MLXIPL: variants seen among roughly 807,000 people sequenced by gnomAD.
The protein encoded by MLXIPL is carbohydrate-responsive element-binding protein.
MLXIPL carries 49 observed loss-of-function variants against 81.5 expected under a neutral mutation model. The observed-to-expected ratio is 0.60, with a 90% CI of 0.48 to 0.76. The LOEUF (loss-of-function observed/expected upper bound fraction) is 0.76. MLXIPL is among the 30% of genes least tolerant of loss of function. The pLI is 0.00. For synonymous variants in MLXIPL, 466 were observed against 485.5 expected, an observed-to-expected ratio of 0.96 and a Z score of 0.53; for missense variants, 1,053 against 1,167.0, an observed-to-expected ratio of 0.90 and a Z score of 1.42.
chr7:73,606,051 GGACCACACTGGAGAA>G lies in MLXIPL; in HGVS notation c.664_678del (p.Phe222_Val226del). On this transcript the variant is annotated inframe_deletion, in exon 6 of 17. Coordinates refer to ENST00000313375, the MANE Select transcript of MLXIPL (RefSeq NM_032951.3). ...TCCTCTGGGTCCCCCAGCAGCACGG[GGACCACACTGGAGAA>G]GAGCTGTTTGCACCATTGCTCCGGC... 1.9e-6 allele frequency: 3 copies of G among 1,590,946 alleles called. No homozygotes were observed. Among genetic ancestry groups the G allele is most frequent in the Non-Finnish European group, 2.6e-6 (3 of 1,168,740 alleles).
chr7:73,605,313 C>T (rs1168543719), intron 7 of MLXIPL, among the ~76,000 whole-genome samples: 1 of 151,958 alleles, frequency 6.6e-6, no homozygotes, highest in Non-Finnish European at 1.5e-5. Context: ...AATCCCAGCA[C>T]TTTGGGAGGC....
chr7:73,601,490 A>AG (rs1382109611), intron 7 of MLXIPL, among the ~76,000 whole-genome samples: 2 of 152,038 alleles, frequency 1.3e-5, no homozygotes, highest in Non-Finnish European at 2.9e-5. Flanking sequence ...TGGTACAGAA[A>AG]GGAGGTGCCC....
the MLXIPL span, among the ~76,000 whole-genome samples, chr7:73,639,833 T>C: frequency 7.3e-6 from 1 of 137,138 alleles, no homozygotes; most frequent in Middle Eastern, 5.4e-3. Flanking sequence ...CTGAGGCGGG[T>C]GGATCACGAG....
At chr7:73,634,964 C>T in the MLXIPL span, among the ~76,000 whole-genome samples, 1 of 150,394 alleles carries the variant, frequency 6.6e-6, no homozygotes, top group Admixed American at 6.7e-5. Context: ...CACAGGAATG[C>T]ACCACCACGC....
intron 7 of MLXIPL, among the ~76,000 whole-genome samples, chr7:73,601,176 A>AGTGTGTGTGT (rs55639253): frequency 0.061 from 8,439 of 137,464 alleles, 208 homozygotes; most frequent in Middle Eastern, 0.074. Context: ...TGCAGGGTCA[A>AGTGTGTGTGT]GTGTGTGTGT....
chr7:73,612,591 G>A (rs1795760410), intron 2 of MLXIPL, among the ~76,000 whole-genome samples: 1 of 149,294 alleles, frequency 6.7e-6, no homozygotes, highest in Admixed American at 6.7e-5. Context: ...GCAGTGAGTC[G>A]AGAGCACACC....
chr7:73,632,933 C>T, the MLXIPL span, among the ~76,000 whole-genome samples: 7 of 151,976 alleles, frequency 4.6e-5, no homozygotes, highest in Admixed American at 3.3e-4. Context: ...GTGCCCACCA[C>T]CACGTGTGGC....
intron 1 of MLXIPL, among the ~76,000 whole-genome samples, chr7:73,618,153 G>A (rs911250251): frequency 2.0e-5 from 3 of 152,212 alleles, no homozygotes; most frequent in South Asian, 4.1e-4. Context: ...TTGGAGTGCA[G>A]TGGCATGATC....
Position 73,596,297 on chromosome 7 carries a change from G to A in MLXIPL, c.1939-25C>T, listed in dbSNP as rs781867530. 6.2e-7 allele frequency: 1 copy of A among 1,612,212 alleles called. No individual in the cohort carries two copies. Among genetic ancestry groups the A allele is most frequent in the East Asian group, 2.2e-5 (1 of 44,752 alleles). On this transcript the variant is annotated intron_variant, in intron 12 of 16. Coordinates refer to ENST00000313375, the MANE Select transcript of MLXIPL (RefSeq NM_032951.3). This position sits in a 1 kb window ranked among gnomAD's most constrained non-coding sequence, Gnocchi z 4.7. The stretch of plus-strand genomic sequence containing the variant: ...TCTCGGGGAGCAGAGAGTTGGGTGA[G>A]CCTAGGAAGGAGCCCAGGAGGGCCT...
chr7:73,595,799 G>A (rs781890101), intron 14 of MLXIPL, 39 bp from the exon 15 acceptor site: 33 of 1,581,382 alleles, frequency 2.1e-5, no homozygotes, highest in Admixed American at 3.7e-5. Context: ...GGGGTAAGGC[G>A]GCATGGCCCC....
chr7:73,623,964 G>A lies in MLXIPL; in HGVS notation c.293+236C>T, dbSNP rs1454031294. ...TCTGCGCTTCGGGGAAGAGGGAATG[G>A]GGGAGGAATGGGAATCAGAAATGCG... On this transcript the variant is annotated intron_variant, in intron 1 of 16. Transcript: ENST00000313375. This position sits in a 1 kb window ranked among gnomAD's most constrained non-coding sequence, Gnocchi z 5.7. Among the ~76,000 whole-genome samples, 1 of 152,140 alleles carries A rather than the reference G, an allele frequency of 6.6e-6. No homozygotes were observed. Among genetic ancestry groups the A allele is most frequent in the African/African-American group, 2.4e-5 (1 of 41,434 alleles).
At chr7:73,599,911 G>A (rs1794652189) in intron 7 of MLXIPL, among the ~76,000 whole-genome samples, 1 of 152,080 alleles carries the variant, frequency 6.6e-6, no homozygotes, top group South Asian at 2.1e-4. Flanking sequence ...ATGAGCTTGC[G>A]TGGGAGAGAG....
intron 7 of MLXIPL, among the ~76,000 whole-genome samples, chr7:73,602,130 G>GCCTTCCTTCCTTCCTT (rs1211377104): frequency 0.13 from 10,719 of 80,406 alleles, 1,178 homozygotes; most frequent in Middle Eastern, 0.17. Flanking sequence ...CTGCCTGCCT[G>GCCTTCCTTCCTTCCTT]CCTTCCTTCC....
chr7:73,626,384 C>T (rs1796746002), upstream of MLXIPL, among the ~76,000 whole-genome samples: 1 of 152,160 alleles, frequency 6.6e-6, no homozygotes, highest in Non-Finnish European at 1.5e-5. Context: ...CTCACTGCAG[C>T]CTCAAACTCC....
At chr7:73,602,054 T>C (rs1368486107) in intron 7 of MLXIPL, among the ~76,000 whole-genome samples, 1 of 150,530 alleles carries the variant, frequency 6.6e-6, no homozygotes, top group Non-Finnish European at 1.5e-5. Flanking sequence ...GGCAAAACGG[T>C]GTCTTCTTGC....
At chr7:73,606,301 C>A (rs566142998) in intron 5 of MLXIPL, 190 bp from the exon 6 acceptor site, 2 of 637,336 alleles carry the variant, frequency 3.1e-6, no homozygotes, top group Admixed American at 2.5e-5. Context: ...CTAAGAACTT[C>A]CCCCAGGAGA....
At chr7:73,635,540 C>T in the MLXIPL span, among the ~76,000 whole-genome samples, 36 of 151,924 alleles carry the variant, frequency 2.4e-4, no homozygotes, top group Middle Eastern at 3.4e-3. Flanking sequence ...TTCTTCCATC[C>T]ATCCATCCAT....
rs1554594737 is a variant in MLXIPL, at chr7:73,597,545, G to C, written c.1240C>G (p.Pro414Ala). The change falls in exon 9 of 17, where the codon CCC becomes GCC. Residue 414 changes from proline to alanine, a missense_variant. Pro to Ala is a conservative substitution (Grantham distance 27). Around this residue, in one of 3 missense-constraint regions of MLXIPL, gnomAD observed 823 missense variants for 933.0 expected, o/e 0.88. Transcript: ENST00000313375. ...GTGGGTGGTGCCATGGGAGGGAAGG[G>C]AGGTGGGGGGCAGGGCTCCAGGCCT... The part of the protein sequence containing the change: ...VPGLEPCPPP[P>A]FPPMAPPTAL... 7.3e-7 allele frequency: 1 copy of C among 1,373,552 alleles called. No individual in the cohort carries two copies. The highest frequency in any genetic ancestry group is 9.4e-7 in the Non-Finnish European group (1 of 1,061,460). The allele number at this position is 1,373,552 out of a possible 1,614,324, so 85.1% of individuals were successfully genotyped here. A position where few individuals can be genotyped will look rare whatever the true frequency, so the allele number is the denominator to read the frequency against.
the MLXIPL span, among the ~76,000 whole-genome samples, chr7:73,639,840 C>T: frequency 6.6e-6 from 1 of 151,032 alleles, no homozygotes; most frequent in Non-Finnish European, 1.5e-5. Flanking sequence ...GGGTGGATCA[C>T]GAGGTCAGGA....
Sources: gnomAD v4.1 joint callset for allele counts (sites outside exome capture counted in the v4.1 genomes callset) on GRCh38, gnomAD v4.1.1 for gene constraint, gnomAD v4.1.1 regional missense constraint, Gnocchi (gnomAD v3.1) non-coding constraint, MANE v1.5 for transcripts, NCBI Gene and HGNC (gene_info 2026-07-23, HGNC 2026-07-21) for gene names.